Variants in DPP10 observed in about 807,000 individuals in gnomAD.
DPP10 encodes the protein inactive dipeptidyl peptidase 10.
DPP10 carries 33 observed loss-of-function variants against 120.9 expected under a neutral mutation model. The ratio of observed to expected loss-of-function variants is 0.27; its 90% confidence interval spans 0.21 to 0.37. DPP10 has a LOEUF of 0.37. Ranked by LOEUF, DPP10 falls within the 10% of genes least tolerant of loss-of-function variation. The pLI, the probability that DPP10 is intolerant of heterozygous loss-of-function variation, is 1.00. For synonymous variants in DPP10, 337 were observed against 326.1 expected (o/e 1.03, Z -0.36); for missense variants, 816 against 942.8 (o/e 0.87, Z 1.76).
At chr2:115,114,016 CTTG>C (rs2049369082) in intron 1 of DPP10, among the ~76,000 whole-genome samples, 1 of 152,178 alleles carries the variant, frequency 6.6e-6, no homozygotes, top group African/African-American at 2.4e-5. Flanking sequence ...ACTAAAATTG[CTTG>C]TTGTAACCCG....
chr2:114,727,655 A>G (rs1053266337), intron 1 of DPP10, among the ~76,000 whole-genome samples: 1 of 152,170 alleles, frequency 6.6e-6, no homozygotes, highest in Non-Finnish European at 1.5e-5. Flanking sequence ...AAACCAACAC[A>G]TTGTTCCCCG....
chr2:114,546,860 A>G (rs1250391188), intron 1 of DPP10, among the ~76,000 whole-genome samples: 1 of 152,208 alleles, frequency 6.6e-6, no homozygotes. Flanking sequence ...CTAACAAAAT[A>G]GAGAATGTAT....
chr2:114,536,408 CTTTTTTT>C (rs70937287), intron 1 of DPP10, among the ~76,000 whole-genome samples: 2 of 128,732 alleles, frequency 1.6e-5, no homozygotes. Context: ...TTTTCTTTTT[CTTTTTTT>C]TTTTTTTTGA....
At chr2:114,681,501 T>C (rs534468847) in intron 1 of DPP10, among the ~76,000 whole-genome samples, 1 of 152,154 alleles carries the variant, frequency 6.6e-6, no homozygotes, top group East Asian at 1.9e-4. Flanking sequence ...AAAAAAGAAT[T>C]GACTTTGTGT....
intron 1 of DPP10, among the ~76,000 whole-genome samples, chr2:115,269,167 C>T (rs114607871): frequency 0.014 from 2,146 of 152,188 alleles, 65 homozygotes; most frequent in African/African-American, 0.049. Flanking sequence ...AGAAAAGAAA[C>T]AGAAGCTCAA....
At chr2:114,897,668 C>G in intron 1 of DPP10, among the ~76,000 whole-genome samples, 1 of 151,700 alleles carries the variant, frequency 6.6e-6, no homozygotes, top group Non-Finnish European at 1.5e-5. Flanking sequence ...ACAAACAACC[C>G]CATCAAAAAG....
intron 19 of DPP10, among the ~76,000 whole-genome samples, chr2:115,802,760 C>T (rs1685420350): frequency 6.6e-6 from 1 of 151,902 alleles, no homozygotes; most frequent in Non-Finnish European, 1.5e-5. Flanking sequence ...TTTCTTAATC[C>T]TGAGTTCTAG....
intron 1 of DPP10, among the ~76,000 whole-genome samples, chr2:115,151,536 T>C (rs1246759610): frequency 2.0e-5 from 3 of 151,338 alleles, no homozygotes; most frequent in Non-Finnish European, 4.4e-5. Flanking sequence ...GCCTCCTGAG[T>C]AGCTGGGATT....
chr2:115,492,495 G>C (rs1298481791), intron 3 of DPP10, among the ~76,000 whole-genome samples: 1 of 152,084 alleles, frequency 6.6e-6, no homozygotes, highest in Non-Finnish European at 1.5e-5. Flanking sequence ...ACAGTCATTT[G>C]TTTGTGCTGT....
intron 1 of DPP10, among the ~76,000 whole-genome samples, chr2:115,132,500 GCTTT>G (rs2050412779): frequency 6.6e-6 from 1 of 152,130 alleles, no homozygotes; most frequent in South Asian, 2.1e-4. Flanking sequence ...TTCGGGATGT[GCTTT>G]CTGTCATTTC....
At chr2:115,000,973 T>A (rs1374797985) in intron 1 of DPP10, among the ~76,000 whole-genome samples, 1 of 152,216 alleles carries the variant, frequency 6.6e-6, no homozygotes, top group Non-Finnish European at 1.5e-5. Flanking sequence ...ACAATACGTA[T>A]ATCAGATCTT....
chr2:115,618,031 C>T lies in DPP10; in HGVS notation c.442-71656C>T, dbSNP rs539790571. Among the ~76,000 whole-genome samples the T allele has an allele frequency of 1.1e-4, 17 of 152,260 alleles. No individual in the cohort carries two copies. In the South Asian group the frequency reaches 3.1e-3, roughly 28 times the overall value. ...GTGATAAGATGAAGTGAGGTGAATG[C>T]TTTGGGCATTGTGACATAACATTTA... On this transcript the variant is annotated intron_variant, in intron 5 of 25. Transcript: ENST00000410059.
chr2:115,105,596 C>A (rs1239502675), intron 1 of DPP10, among the ~76,000 whole-genome samples: 3 of 152,122 alleles, frequency 2.0e-5, no homozygotes, highest in Non-Finnish European at 4.4e-5. Flanking sequence ...CCACTTGGCC[C>A]TATATCCAAC....
chr2:114,706,281 G>A (rs1700680240), intron 1 of DPP10, among the ~76,000 whole-genome samples: 1 of 152,144 alleles, frequency 6.6e-6, no homozygotes, highest in Non-Finnish European at 1.5e-5. Context: ...TGGAAAGAGA[G>A]ACAATAAGAT....
At chr2:115,439,433 A>T (rs1360924529) in intron 3 of DPP10, among the ~76,000 whole-genome samples, 2 of 152,254 alleles carry the variant, frequency 1.3e-5, no homozygotes, top group African/African-American at 4.8e-5. Flanking sequence ...CCTTAACACC[A>T]CTGAACTGTA....
In DPP10 at chr2:114,453,133, TA is replaced by T. The variant is rs573478550; in HGVS notation, c.60+10296del. Reference sequence around the variant, plus strand: ...TGGTTTGAAGGTAGAAAACCAAAAATACATACCACAGAGATCAGCAAAATAG... The same window carrying T: ...TGGTTTGAAGGTAGAAAACCAAAAATCATACCACAGAGATCAGCAAAATAG... On this transcript the variant is annotated intron_variant, in intron 1 of 25. Transcript: ENST00000410059. Among the ~76,000 whole-genome samples, 569 of 152,174 alleles carry T rather than the reference TA, an allele frequency of 3.7e-3. 4 individuals are homozygous for T. Among genetic ancestry groups the T allele is most frequent in the African/African-American group, 0.013 (528 of 41,526 alleles).
intron 1 of DPP10, among the ~76,000 whole-genome samples, chr2:114,529,761 T>C (rs1049441102): frequency 6.6e-6 from 1 of 151,780 alleles, no homozygotes; most frequent in African/African-American, 2.4e-5. Context: ...GTCAGGGGGG[T>C]TTGTTGTACA....
intron 1 of DPP10, among the ~76,000 whole-genome samples, chr2:114,673,146 A>T (rs1322568060): frequency 6.6e-6 from 1 of 152,166 alleles, no homozygotes; most frequent in Non-Finnish European, 1.5e-5. Context: ...TTGACATATT[A>T]CAAATTGTAA....
At chr2:115,437,485 T>C (rs1360546937) in intron 3 of DPP10, among the ~76,000 whole-genome samples, 2 of 152,060 alleles carry the variant, frequency 1.3e-5, no homozygotes, top group African/African-American at 4.8e-5. Flanking sequence ...AGGAACTTGC[T>C]AGAAGTGGTT....
Sources: allele counts gnomAD v4.1 joint callset (sites outside exome capture counted in the v4.1 genomes callset), GRCh38; gene constraint gnomAD v4.1.1; transcripts MANE v1.5; gene names NCBI Gene and HGNC (gene_info 2026-07-23, HGNC 2026-07-21).